RAB7A: variants seen among roughly 807,000 people sequenced by gnomAD.
RAB7A encodes the protein RAB7A, member RAS oncogene family, also known as ras-related protein Rab-7a.
Under a neutral mutation model 24.5 loss-of-function variants are expected in RAB7A, and 2 were observed. The ratio of observed to expected loss-of-function variants is 0.08; its 90% CI spans 0.03 to 0.26. The LOEUF is 0.26. Ranked by LOEUF, RAB7A falls within the 10% of genes least tolerant of loss-of-function variation. The pLI is 1.00. For synonymous variants in RAB7A, 100 were observed against 95.9 expected, an observed-to-expected ratio of 1.04 and a Z score of -0.25; for missense variants, 118 against 255.7, an observed-to-expected ratio of 0.46 and a Z score of 3.67.
At chr3:128,782,670 A>G (rs975323568) in intron 1 of RAB7A, among the ~76,000 whole-genome samples, 3 of 103,762 alleles carry the variant, frequency 2.9e-5, no homozygotes, top group African/African-American at 1.2e-4. Context: ...AAACCTGGAA[A>G]TGGCGGGGTG....
At chr3:128,733,133 T>C (rs888727162) in intron 1 of RAB7A, among the ~76,000 whole-genome samples, 6 of 152,202 alleles carry the variant, frequency 3.9e-5, no homozygotes, top group Non-Finnish European at 8.8e-5. Flanking sequence ...TACAGAAAAG[T>C]GCACAAATAA....
intron 1 of RAB7A, chr3:128,748,982 G>A (rs888982957): frequency 6.6e-6 from 1 of 152,180 alleles, no homozygotes; most frequent in African/African-American, 2.4e-5. Flanking sequence ...GATTTCTGAG[G>A]CAGCATAAGG....
chr3:128,789,749 C>T (rs1256467608), intron 1 of RAB7A, among the ~76,000 whole-genome samples: 2 of 150,892 alleles, frequency 1.3e-5, no homozygotes, highest in African/African-American at 4.9e-5. Flanking sequence ...GCTTGGGCAG[C>T]TTCTTGTAGC....
chr3:128,760,513 T>C (rs1344219983), intron 1 of RAB7A, among the ~76,000 whole-genome samples: 2 of 152,230 alleles, frequency 1.3e-5, no homozygotes, highest in Non-Finnish European at 2.9e-5. Context: ...TATCTCTGTT[T>C]CAGAAACACT....
intron 1 of RAB7A, among the ~76,000 whole-genome samples, chr3:128,790,645 T>C (rs913105284): frequency 6.6e-6 from 1 of 152,238 alleles, no homozygotes; most frequent in Admixed American, 6.5e-5. Context: ...TGTTCATCTT[T>C]TTGCCACTGA....
Position 128,805,947 on chromosome 3 carries a change from A to G in RAB7A, c.181-425A>G, listed in dbSNP as rs6810128. 5.2e-3 allele frequency among the ~76,000 whole-genome samples: 788 copies of G among 152,314 alleles called. 6 individuals carry two copies. Among genetic ancestry groups the G allele is most frequent in the African/African-American group, 0.018 (758 of 41,570 alleles). ...TACAGTAAAATGCATAGATTGAACT[A>G]TATCACTCGTGAGTCATCACCTCAC... On this transcript the variant is annotated intron_variant, in intron 3 of 5. Transcript: ENST00000265062.
In RAB7A at chr3:128,813,795, T is replaced by G. The variant is rs567411812; in HGVS notation, c.*373T>G. 9.0e-6 allele frequency: 3 copies of G among 334,422 alleles called. No homozygotes were observed. The East Asian group carries it at 2.2e-4, about 25-fold the overall frequency. The allele number at this position is 334,422 out of a possible 1,614,324, so 20.7% of individuals were successfully genotyped here. A position where few individuals can be genotyped will look rare whatever the true frequency, so the allele number is the denominator to read the frequency against. ...GTTCACTGGAGAGAGAGAGAACTGT[T>G]TACAGTTAATCTGTGTCTAATTATC... is the stretch of plus-strand genomic sequence containing the variant. On this transcript the variant is annotated 3_prime_UTR_variant, in exon 6 of 6. Transcript: ENST00000265062.
chr3:128,765,889 G>A (rs1300854932), intron 1 of RAB7A, among the ~76,000 whole-genome samples: 1 of 151,714 alleles, frequency 6.6e-6, no homozygotes, highest in Non-Finnish European at 1.5e-5. Flanking sequence ...AGCCTCCCAA[G>A]TAGCTGGGAT....
intron 1 of RAB7A, among the ~76,000 whole-genome samples, chr3:128,745,739 C>T (rs1242474844): frequency 6.6e-6 from 1 of 152,218 alleles, no homozygotes; most frequent in Non-Finnish European, 1.5e-5. Flanking sequence ...ACAGTCCAGG[C>T]TCTGACATTG....
chr3:128,764,027 C>G (rs2070801716), intron 1 of RAB7A, among the ~76,000 whole-genome samples: 1 of 152,106 alleles, frequency 6.6e-6, no homozygotes, highest in African/African-American at 2.4e-5. Flanking sequence ...TTCAGGAGAG[C>G]AAGCAACAAG....
intron 1 of RAB7A, among the ~76,000 whole-genome samples, chr3:128,774,425 A>G (rs1365020121): frequency 8.6e-5 from 13 of 150,920 alleles, no homozygotes; most frequent in African/African-American, 1.2e-4. Flanking sequence ...TCTTCCAGTC[A>G]GTTGGATCAT....
chr3:128,785,605 A>G (rs1185369514), intron 1 of RAB7A, among the ~76,000 whole-genome samples: 4 of 152,036 alleles, frequency 2.6e-5, no homozygotes, highest in Non-Finnish European at 5.9e-5. Context: ...CTAAAAATAC[A>G]AAAAGGCGTG....
rs1371545326 is a variant in RAB7A, at chr3:128,813,240, G to A, written c.529-87G>A. On this transcript the variant is annotated intron_variant, in intron 5 of 5. Transcript: ENST00000265062. Reference sequence around the variant, plus strand: ...GCCCACTCTGCCCAAGCAGAAGTGAGCCCCTCCTGGGCAGAAAGTGCCCGC... The same window carrying A: ...GCCCACTCTGCCCAAGCAGAAGTGAACCCCTCCTGGGCAGAAAGTGCCCGC... 1.1e-5 allele frequency: 14 copies of A among 1,246,302 alleles called. No individual in the cohort carries two copies. The African/African-American group carries it at 1.8e-4, about 16-fold the overall frequency. The allele number at this position is 1,246,302 out of a possible 1,614,324, so 77.2% of individuals were successfully genotyped here. A position where few individuals can be genotyped will look rare whatever the true frequency, so the allele number is the denominator to read the frequency against.
intron 1 of RAB7A, among the ~76,000 whole-genome samples, chr3:128,765,195 A>T (rs2070818480): frequency 6.6e-6 from 1 of 152,090 alleles, no homozygotes. Context: ...GGAAACCCCG[A>T]CGACTCTCGG....
At chr3:128,789,207 C>CA (rs1933402557) in intron 1 of RAB7A, among the ~76,000 whole-genome samples, 1 of 152,132 alleles carries the variant, frequency 6.6e-6, no homozygotes, top group South Asian at 2.1e-4. Context: ...GACCAGGTCT[C>CA]AGAGATCTTA....
chr3:128,727,755 C>T (rs960483192), intron 1 of RAB7A, among the ~76,000 whole-genome samples: 1 of 152,188 alleles, frequency 6.6e-6, no homozygotes, highest in Non-Finnish European at 1.5e-5. Flanking sequence ...TTTCTTGTGA[C>T]TTAAGCAGCT....
intron 5 of RAB7A, among the ~76,000 whole-genome samples, chr3:128,809,949 T>C (rs1455934963): frequency 3.1e-5 from 3 of 97,178 alleles, no homozygotes; most frequent in African/African-American, 7.3e-5. Context: ...TTTTTTTTTT[T>C]TTTTTTTTTT....
intron 1 of RAB7A, among the ~76,000 whole-genome samples, chr3:128,778,348 C>T (rs1259487674): frequency 6.6e-6 from 1 of 152,086 alleles, no homozygotes; most frequent in Non-Finnish European, 1.5e-5. Context: ...CCTTTTTAGA[C>T]CTTTTTTTCC....
At chr3:128,734,751 C>G (rs1486152710) in intron 1 of RAB7A, among the ~76,000 whole-genome samples, 1 of 151,968 alleles carries the variant, frequency 6.6e-6, no homozygotes, top group Non-Finnish European at 1.5e-5. Flanking sequence ...TCTGACTGAC[C>G]CTTCAGATAT....
Sources: allele counts gnomAD v4.1 joint callset (sites outside exome capture counted in the v4.1 genomes callset), GRCh38; gene constraint gnomAD v4.1.1; transcripts MANE v1.5; gene names NCBI Gene and HGNC (gene_info 2026-07-23, HGNC 2026-07-21).